Variants in TMTC2 observed in about 807,000 individuals in gnomAD.
TMTC2 encodes the protein transmembrane O-mannosyltransferase targeting cadherins 2.
TMTC2 carries 43 observed loss-of-function variants against 82.4 expected under a neutral mutation model. The observed-to-expected ratio is 0.52, with a 90% CI of 0.41 to 0.67. The LOEUF is 0.67. Ranked by LOEUF, TMTC2 falls within the 30% of genes least tolerant of loss-of-function variation. TMTC2 has a pLI of 0.00. For synonymous variants in TMTC2, 408 were observed against 381.9 expected, an observed-to-expected ratio of 1.07 and a Z score of -0.80; for missense variants, 919 against 1,012.4, an observed-to-expected ratio of 0.91 and a Z score of 1.25.
intron 1 of TMTC2, among the ~76,000 whole-genome samples, chr12:82,835,857 C>T (rs756067151): frequency 3.9e-5 from 6 of 152,160 alleles, no homozygotes; most frequent in African/African-American, 9.7e-5. Flanking sequence ...CATAAACCTC[C>T]GCATGGTCCA....
intron 4 of TMTC2, among the ~76,000 whole-genome samples, chr12:82,940,266 C>A (rs1349959517): frequency 6.6e-6 from 1 of 151,966 alleles, no homozygotes; most frequent in Non-Finnish European, 1.5e-5. Flanking sequence ...ATCCGCCCAC[C>A]TTGGCCTCCC....
chr12:82,899,927 A>C (rs35648505), intron 3 of TMTC2, among the ~76,000 whole-genome samples: 45 of 134,322 alleles, frequency 3.4e-4, no homozygotes, highest in African/African-American at 1.1e-3. Context: ...GAATATAGAT[A>C]TGTAGGAATG....
At chr12:82,902,222 G>T (rs1363409130) in intron 3 of TMTC2, among the ~76,000 whole-genome samples, 1 of 150,966 alleles carries the variant, frequency 6.6e-6, no homozygotes, top group Non-Finnish European at 1.5e-5. Flanking sequence ...ACTCTGTTGG[G>T]GTCCCGGGAA....
chr12:82,846,101 G>A (rs755218019), intron 1 of TMTC2, among the ~76,000 whole-genome samples: 2 of 152,086 alleles, frequency 1.3e-5, no homozygotes, highest in Non-Finnish European at 2.9e-5. Context: ...GCTCACGCCT[G>A]TAATCCCAGC....
chr12:82,744,160 G>T (rs993108263), intron 1 of TMTC2, among the ~76,000 whole-genome samples: 1 of 152,138 alleles, frequency 6.6e-6, no homozygotes, highest in African/African-American at 2.4e-5. Flanking sequence ...GGTGGCTCAT[G>T]CCTGTAATCC....
rs117650205 is a variant in TMTC2 at position 82,762,261 on chromosome 12, G to A, written c.83+74592G>A. ...GGATTACAGGTGTGAGCCACCACGC[G>A]TGGCCGACTGTTTCCTTCTACTCTA... On this transcript the variant is annotated intron_variant, in intron 1 of 11. Coordinates refer to ENST00000321196, the MANE Select transcript of TMTC2 (RefSeq NM_152588.3). 7.0e-4 allele frequency among the ~76,000 whole-genome samples: 106 copies of A among 152,084 alleles called. No homozygotes were observed. In the East Asian group the frequency reaches 0.014, roughly 20 times the overall value.
chr12:82,700,866 TG>T, intron 1 of TMTC2, among the ~76,000 whole-genome samples: 1 of 152,146 alleles, frequency 6.6e-6, no homozygotes, highest in Non-Finnish European at 1.5e-5. Flanking sequence ...TCAACATGGC[TG>T]GGGAGGCCTC....
chr12:82,797,791 CAT>C (rs1362822965), intron 1 of TMTC2, among the ~76,000 whole-genome samples: 1 of 151,872 alleles, frequency 6.6e-6, no homozygotes, highest in African/African-American at 2.4e-5. Context: ...ATTTTAGGCT[CAT>C]GTGGGAAGAT....
chr12:82,752,302 T>C (rs1876053385), intron 1 of TMTC2, among the ~76,000 whole-genome samples: 1 of 151,948 alleles, frequency 6.6e-6, no homozygotes, highest in African/African-American at 2.4e-5. Context: ...CTGGCCAACA[T>C]GGCAAAACCC....
chr12:82,857,187 C>T lies in TMTC2; in HGVS notation c.261C>T (p.Tyr87=), dbSNP rs775815656. The T allele has an allele frequency of 1.2e-6, 2 of 1,614,170 alleles. No individual in the cohort carries two copies. Among genetic ancestry groups the T allele is most frequent in the Non-Finnish European group, 1.7e-6 (2 of 1,180,042 alleles). Residue 87 remains tyrosine (Y), a synonymous_variant, in exon 2 of 12, where the codon TAC becomes TAT. Transcript: ENST00000321196. The part of the protein sequence containing the change: ...HAIGGLNPWS[Y]HLVNVLLHAA... ...TTGGAGGGTTGAATCCCTGGAGCTA[C>T]CATCTTGTCAATGTCCTGTTGCATG...
intron 1 of TMTC2, among the ~76,000 whole-genome samples, chr12:82,782,429 C>G (rs1355573730): frequency 6.6e-6 from 1 of 152,006 alleles, no homozygotes; most frequent in African/African-American, 2.4e-5. Context: ...GACATTTTAT[C>G]TTCATTTCAG....
chr12:83,127,642 T>C lies in TMTC2; in HGVS notation c.2332-4568T>C, dbSNP rs538894496. On this transcript the variant is annotated intron_variant, in intron 11 of 11. Transcript: ENST00000321196. ...TAGTCTTACTATTCCTTTTCTGTTA[T>C]TTTCTTTCCAATCCTACATGATAAG... Among the ~76,000 whole-genome samples, 8 of 152,286 alleles carry C rather than the reference T, an allele frequency of 5.3e-5. No homozygotes were observed. In the South Asian group the frequency reaches 1.7e-3, roughly 32 times the overall value.
chr12:82,940,054 C>T (rs1373810476), intron 4 of TMTC2, among the ~76,000 whole-genome samples: 1 of 108,642 alleles, frequency 9.2e-6, no homozygotes. Context: ...GAGTTTCGCT[C>T]TTGTTGCCCA....
At chr12:82,833,409 T>TA (rs1869854923) in intron 1 of TMTC2, among the ~76,000 whole-genome samples, 1 of 152,152 alleles carries the variant, frequency 6.6e-6, no homozygotes, top group Non-Finnish European at 1.5e-5. Context: ...CTAAGTCAAA[T>TA]AAAAAAACTT....
At position 83,033,888 on chromosome 12, in the gene TMTC2, GTATA is replaced by G. The variant is rs59068094; in HGVS notation, c.2152+3021_2152+3024del. On this transcript the variant is annotated intron_variant, in intron 9 of 11. Transcript: ENST00000321196. ...TATGTGTATATATATATATGTGTGT[GTATA>G]TATATATATATGTATATATATCCTG... Among the ~76,000 whole-genome samples the G allele has an allele frequency of 2.3e-3, 330 of 146,554 alleles. 1 individual carries two copies. Among genetic ancestry groups the G allele is most frequent in the African/African-American group, 6.5e-3 (260 of 39,908 alleles).
chr12:82,742,326 C>A (rs1592892839), intron 1 of TMTC2, among the ~76,000 whole-genome samples: 1 of 146,022 alleles, frequency 6.8e-6, no homozygotes, highest in African/African-American at 2.6e-5. Flanking sequence ...AGCTAAGAGA[C>A]CCAAATGACA....
At chr12:82,766,097 T>C (rs938445730) in intron 1 of TMTC2, among the ~76,000 whole-genome samples, 2 of 152,166 alleles carry the variant, frequency 1.3e-5, no homozygotes, top group African/African-American at 4.8e-5. Context: ...CTGCTTTGGA[T>C]CCTAAAGGCT....
At chr12:83,082,619 C>T (rs1883510201) in intron 11 of TMTC2, among the ~76,000 whole-genome samples, 1 of 152,176 alleles carries the variant, frequency 6.6e-6, no homozygotes, top group South Asian at 2.1e-4. Flanking sequence ...AAGTATAAAT[C>T]TTAATCATGA....
At chr12:82,974,875 A>G (rs1878601121) in intron 7 of TMTC2, among the ~76,000 whole-genome samples, 1 of 152,150 alleles carries the variant, frequency 6.6e-6, no homozygotes, top group Admixed American at 6.5e-5. Flanking sequence ...TCTTTGTAGC[A>G]TTCCTTCCCT....
Sources: gnomAD v4.1 joint callset for allele counts (sites outside exome capture counted in the v4.1 genomes callset) on GRCh38, gnomAD v4.1.1 for gene constraint, MANE v1.5 for transcripts, NCBI Gene and HGNC (gene_info 2026-07-23, HGNC 2026-07-21) for gene names.